The following SASH1 variants were observed in gnomAD, a reference collection of about 807,000 sequenced individuals.
SASH1 encodes SAM and SH3 domain-containing protein 1.
In SASH1, 44 loss-of-function variants were observed where a neutral mutation model predicts 125.2. The ratio of observed to expected loss-of-function variants is 0.35; its 90% confidence interval spans 0.28 to 0.45. The LOEUF is 0.45. Among genes scored for constraint, SASH1 ranks in the 20% least tolerant of loss-of-function variants. The pLI is 1.00. For missense variants in SASH1, 1,426 were observed against 1,614.5 expected (o/e 0.88, Z 2.00); for synonymous variants, 639 against 649.1 (o/e 0.98, Z 0.24).
chr6:148,445,166 T>C (rs1776716493), intron 4 of SASH1, among the ~76,000 whole-genome samples: 1 of 152,210 alleles, frequency 6.6e-6, no homozygotes, highest in Non-Finnish European at 1.5e-5. Flanking sequence ...CTTTACTGCA[T>C]CCTGTTTTAT....
intron 1 of SASH1, among the ~76,000 whole-genome samples, chr6:148,292,889 A>G (rs1445220836): frequency 6.6e-6 from 1 of 152,094 alleles, no homozygotes; most frequent in African/African-American, 2.4e-5. Flanking sequence ...TGTCTCTACT[A>G]AAAATACAAA....
chr6:148,425,894 G>C (rs1373413403), intron 2 of SASH1, among the ~76,000 whole-genome samples: 2 of 151,700 alleles, frequency 1.3e-5, no homozygotes, highest in Non-Finnish European at 2.9e-5. Flanking sequence ...TTTTCTCAAT[G>C]GTCATTAGGT....
chr6:148,229,927 G>A, the SASH1 span, among the ~76,000 whole-genome samples: 2 of 151,984 alleles, frequency 1.3e-5, no homozygotes, highest in Admixed American at 1.3e-4. Flanking sequence ...AGCCAGGCTG[G>A]TCTTGAACTC....
intron 1 of SASH1, among the ~76,000 whole-genome samples, chr6:148,317,395 G>C (rs903423450): frequency 2.0e-5 from 3 of 152,194 alleles, no homozygotes; most frequent in African/African-American, 7.2e-5. Context: ...TTATTATTTA[G>C]GAGGTTTGAG....
the SASH1 span, among the ~76,000 whole-genome samples, chr6:148,226,039 C>A: frequency 6.6e-6 from 1 of 152,300 alleles, no homozygotes; most frequent in East Asian, 1.9e-4. Context: ...AAGCCACTTT[C>A]CCCTCTCATC....
the SASH1 span, among the ~76,000 whole-genome samples, chr6:148,229,003 G>T: frequency 6.6e-6 from 1 of 151,830 alleles, no homozygotes; most frequent in African/African-American, 2.4e-5. Flanking sequence ...GCAACATGGT[G>T]CATACCTGTC....
intron 4 of SASH1, among the ~76,000 whole-genome samples, chr6:148,460,200 T>C (rs1777550373): frequency 6.6e-6 from 1 of 152,236 alleles, no homozygotes; most frequent in African/African-American, 2.4e-5. Flanking sequence ...CATGTCTAAA[T>C]TAGCTGCATC....
At chr6:148,307,040 C>CTTTCTT (rs1342497236) in intron 1 of SASH1, among the ~76,000 whole-genome samples, 3 of 93,590 alleles carry the variant, frequency 3.2e-5, no homozygotes, top group African/African-American at 1.6e-4. Context: ...TTCTTTCTTT[C>CTTTCTT]TTTCTTTCTT....
chr6:148,315,814 G>C (rs1324713707), intron 1 of SASH1, among the ~76,000 whole-genome samples: 1 of 152,182 alleles, frequency 6.6e-6, no homozygotes, highest in East Asian at 1.9e-4. Context: ...TGAGATAGAA[G>C]GATCACTTGA....
At chr6:148,496,524 A>G (rs1779317011) in intron 8 of SASH1, among the ~76,000 whole-genome samples, 1 of 152,262 alleles carries the variant, frequency 6.6e-6, no homozygotes, top group African/African-American at 2.4e-5. Flanking sequence ...GCAATTCTGT[A>G]TACGATGCAT....
the SASH1 span, among the ~76,000 whole-genome samples, chr6:148,249,598 G>A: frequency 1.2e-4 from 19 of 152,088 alleles, no homozygotes; most frequent in South Asian, 4.1e-4. Context: ...ACCTCCCTAC[G>A]CCTCAGTTAA....
chr6:148,233,296 A>C, the SASH1 span, among the ~76,000 whole-genome samples: 3 of 151,778 alleles, frequency 2.0e-5, no homozygotes, highest in African/African-American at 7.3e-5. Flanking sequence ...ACCGAAGTTC[A>C]TGCTCCTTTC....
chr6:148,368,777 C>CACACACACACACACACAT (rs1782590842), intron 1 of SASH1, among the ~76,000 whole-genome samples: 2 of 151,458 alleles, frequency 1.3e-5, no homozygotes, highest in Non-Finnish European at 2.9e-5. Flanking sequence ...CGCGCACACA[C>CACACACACACACACACAT]ACACACACAC....
intron 1 of SASH1, among the ~76,000 whole-genome samples, chr6:148,309,514 G>A (rs1780243182): frequency 6.6e-6 from 1 of 152,098 alleles, no homozygotes; most frequent in South Asian, 2.1e-4. Context: ...TTGTCTCTGA[G>A]CTGGCCCTGC....
rs553435844 is a variant in SASH1, at chr6:148,550,974, T to A, written c.*2416T>A. On this transcript the variant is annotated 3_prime_UTR_variant, in exon 20 of 20. Transcript: ENST00000367467. Reference sequence around the variant, plus strand: ...AGAAGAGGGAACTTTCTGGAGTTTTTGAGAATGCCAAACCACATTTTTATC... The same window carrying A: ...AGAAGAGGGAACTTTCTGGAGTTTTAGAGAATGCCAAACCACATTTTTATC... The A allele has an allele frequency of 1.6e-4, 25 of 152,780 alleles. No homozygotes were observed. Among genetic ancestry groups the A allele is most frequent in the African/African-American group, 5.1e-4 (21 of 41,582 alleles). The allele number at this position is 152,780 out of a possible 1,614,324, so 9.5% of individuals were successfully genotyped here.
At chr6:148,505,993 TCTC>T (rs1271363500) in intron 8 of SASH1, among the ~76,000 whole-genome samples, 10 of 150,402 alleles carry the variant, frequency 6.6e-5, no homozygotes, top group Non-Finnish European at 1.5e-4. Context: ...ATGGTCTCGA[TCTC>T]CTGAGCTCGT....
intron 1 of SASH1, among the ~76,000 whole-genome samples, chr6:148,323,776 A>T (rs760369946): frequency 3.9e-5 from 6 of 152,148 alleles, no homozygotes; most frequent in Non-Finnish European, 8.8e-5. Context: ...TACATGAGCC[A>T]CATGTATGGA....
chr6:148,375,285 C>A (rs910155463), intron 1 of SASH1, among the ~76,000 whole-genome samples: 2 of 152,168 alleles, frequency 1.3e-5, no homozygotes, highest in African/African-American at 4.8e-5. Context: ...AGCCACCACA[C>A]CTGGCCACAA....
At chr6:148,227,565 C>T in the SASH1 span, among the ~76,000 whole-genome samples, 2 of 152,150 alleles carry the variant, frequency 1.3e-5, no homozygotes, top group Non-Finnish European at 2.9e-5. Context: ...ACCATGGTGG[C>T]CAGGCTGGTC....
Sources: gnomAD v4.1 joint callset for allele counts (sites outside exome capture counted in the v4.1 genomes callset) on GRCh38, gnomAD v4.1.1 for gene constraint, MANE v1.5 for transcripts, NCBI Gene and HGNC (gene_info 2026-07-23, HGNC 2026-07-21) for gene names.